Variants in MVP observed in about 807,000 individuals in gnomAD.
The protein encoded by MVP is lung resistance-related protein.
Under a neutral mutation model 83.5 loss-of-function variants are expected in MVP, and 62 were observed. That is an observed-to-expected ratio of 0.74 (90% CI 0.61 to 0.92). The LOEUF (loss-of-function observed/expected upper bound fraction) is 0.92. Ranked by LOEUF, MVP falls within the 40% of genes least tolerant of loss-of-function variation. MVP has a pLI of 0.00. For missense variants in MVP, 1,000 were observed against 1,203.4 expected, an observed-to-expected ratio of 0.83 and a Z score of 2.50; for synonymous variants, 505 against 504.1, an observed-to-expected ratio of 1.00 and a Z score of -0.02.
At chr16:29,829,205 G>C (rs1026528514) in intron 1 of MVP, among the ~76,000 whole-genome samples, 10 of 150,922 alleles carry the variant, frequency 6.6e-5, no homozygotes, top group African/African-American at 2.4e-4. Flanking sequence ...GCTCCTCATC[G>C]GCCAGGTGTG....
intron 6 of MVP, 145 bp from the exon 7 acceptor site, chr16:29,836,577 T>TAAAAA (rs35835626): frequency 2.2e-4 from 126 of 578,918 alleles, no homozygotes; most frequent in South Asian, 5.0e-4. Context: ...GACTCCGATT[T>TAAAAA]AAAAAAAAAA....
chr16:29,847,028 C>G (rs900031690), intron 13 of MVP, among the ~76,000 whole-genome samples, 169 bp from the exon 14 acceptor site: 3 of 151,698 alleles, frequency 2.0e-5, no homozygotes, highest in African/African-American at 7.3e-5. Context: ...TCTACAAAAA[C>G]AAAATTTTTT....
rs538392400 is a variant in MVP, at chr16:29,845,002, T to C, written c.2021+123T>C. On this transcript the variant is annotated intron_variant, in intron 11 of 14. Transcript: ENST00000357402. The stretch of plus-strand genomic sequence containing the variant: ...TCCCTACCCTCAAAGATCTATTCCC[T>C]ACCCAACAGATCAGGTGACCCACTT... 4 of 1,302,676 alleles carry C rather than the reference T, an allele frequency of 3.1e-6. No individual in the cohort carries two copies. The South Asian group carries it at 5.9e-5, about 19-fold the overall frequency. The allele number at this position is 1,302,676 out of a possible 1,614,324, so 80.7% of individuals were successfully genotyped here. A position where few individuals can be genotyped will look rare whatever the true frequency, so the allele number is the denominator to read the frequency against.
rs1304823167 is a variant in MVP at position 29,835,693 on chromosome 16, T to C, written c.578-11T>C. 6.2e-7 allele frequency: 1 copy of C among 1,613,024 alleles called. No homozygotes were observed. The highest frequency in any genetic ancestry group is 8.5e-7 in the Non-Finnish European group (1 of 1,179,582). ...GGGGCCCTTGTCCCTTACCCTCCACTCTTGGCCCAGGGGAAGAATGGCTGG... is the reference window on the plus strand; with the variant it reads ...GGGGCCCTTGTCCCTTACCCTCCACCCTTGGCCCAGGGGAAGAATGGCTGG... On this transcript the variant is annotated splice_polypyrimidine_tract_variant and intron_variant, in intron 5 of 14. Coordinates refer to ENST00000357402, the MANE Select transcript of MVP (RefSeq NM_005115.5).
intron 3 of MVP, chr16:29,831,607 C>G (rs1384528643): frequency 1.1e-5 from 5 of 456,108 alleles, no homozygotes; most frequent in Admixed American, 7.0e-5. Flanking sequence ...ACACCTGCCT[C>G]TTTTCTGAGA....
Position 29,840,177 on chromosome 16 carries a change from G to A in MVP, c.910-1G>A. The A allele has an allele frequency of 6.2e-7, 1 of 1,606,152 alleles. No individual in the cohort carries two copies. The highest frequency in any genetic ancestry group is 2.2e-5 in the East Asian group (1 of 44,772). ...ACCCTAACCTCACGTCTCCCCACTAGGGAGAGAAGTCTTTTTTCCTCCAGC... is the reference window on the plus strand; with the variant it reads ...ACCCTAACCTCACGTCTCCCCACTAAGGAGAGAAGTCTTTTTTCCTCCAGC... On this transcript the variant is annotated splice_acceptor_variant, in intron 7 of 14. Coordinates refer to ENST00000357402, the MANE Select transcript of MVP (RefSeq NM_005115.5). LOFTEE classifies it high-confidence loss of function.
chr16:29,822,819 G>A (rs2067373382), intron 1 of MVP, among the ~76,000 whole-genome samples: 1 of 152,214 alleles, frequency 6.6e-6, no homozygotes, highest in Non-Finnish European at 1.5e-5. Context: ...CCTGGTTCAA[G>A]CAATTCTCCT....
chr16:29,824,625 G>A (rs2067392616), intron 1 of MVP, among the ~76,000 whole-genome samples: 2 of 152,192 alleles, frequency 1.3e-5, no homozygotes, highest in South Asian at 4.1e-4. Flanking sequence ...AGGCTTGGTG[G>A]CATGTGCCTG....
In MVP at chr16:29,830,640, G is replaced by C. The variant is rs138217857; in HGVS notation, c.91G>C (p.Gly31Arg). 1 of 1,613,960 alleles carries C rather than the reference G, an allele frequency of 6.2e-7. No homozygotes were observed. Among genetic ancestry groups the C allele is most frequent in the Non-Finnish European group, 8.5e-7 (1 of 1,179,992 alleles). The change falls in exon 2 of 15, where the codon GGG (glycine) becomes CGG (arginine). Residue 31 changes from glycine (G) to arginine (R), a missense_variant. By Grantham distance (125) the Gly-to-Arg change is moderately radical. Transcript: ENST00000357402. ...CAGCAACGTGTCCCGTGTGGAGGTC[G>C]GGCCAAAGACCTACATCCGGCAGGA... Reference protein sequence around the residue: ...QNSNVSRVEVGPKTYIRQDNE... With the variant: ...QNSNVSRVEVRPKTYIRQDNE...
chr16:29,823,227 G>T (rs994014539), intron 1 of MVP, among the ~76,000 whole-genome samples: 1 of 149,864 alleles, frequency 6.7e-6, no homozygotes, highest in Admixed American at 6.7e-5. Context: ...CCAGGCACAG[G>T]CGATCCTCCC....
At chr16:29,832,596 CTTTT>C (rs1177021376) in intron 3 of MVP, among the ~76,000 whole-genome samples, 4 of 122,800 alleles carry the variant, frequency 3.3e-5, no homozygotes, top group African/African-American at 1.2e-4. Context: ...CGCGCCTGGC[CTTTT>C]TTTTTTTTTT....
chr16:29,847,441 A>G (rs2067594946), intron 14 of MVP, 56 bp downstream of exon 14: 1 of 1,479,974 alleles, frequency 6.8e-7, no homozygotes, highest in Non-Finnish European at 9.0e-7. Flanking sequence ...CCAGGAAGGC[A>G]GAGCCAAGGC....
chr16:29,821,582 C>T (rs2067361801), intron 1 of MVP, among the ~76,000 whole-genome samples: 1 of 152,202 alleles, frequency 6.6e-6, no homozygotes, highest in Non-Finnish European at 1.5e-5. Flanking sequence ...CAGCCCCACC[C>T]AGGTCCTCTA....
rs1318291244 is a variant in MVP at position 29,841,873 on chromosome 16, G to A, written c.1436+33G>A. 6.2e-7 allele frequency: 1 copy of A among 1,609,502 alleles called. No individual in the cohort carries two copies. On this transcript the variant is annotated intron_variant, in intron 9 of 14. Coordinates refer to ENST00000357402, the MANE Select transcript of MVP (RefSeq NM_005115.5). The surrounding 1 kb of genome is among the most constrained non-coding windows in gnomAD (Gnocchi z 4.7). ...CTGGCAGCGCAGGGTGTAGGGGGTG[G>A]CTCTCCATGGGTCTGGCTCTGACCC...
Position 29,845,896 on chromosome 16 carries a change from C to T in MVP, c.2055C>T (p.Arg685=), listed in dbSNP as rs149725123. 3.5e-5 allele frequency: 56 copies of T among 1,613,886 alleles called. No homozygotes were observed. The highest frequency in any genetic ancestry group is 1.6e-4 in the Middle Eastern group (1 of 6,078). The change falls in exon 12 of 15, where the codon CGC becomes CGT. Residue 685 remains arginine (R), a synonymous_variant. Coordinates refer to ENST00000357402, the MANE Select transcript of MVP (RefSeq NM_005115.5). ...HEAQRLEQEA[R]GRLERQKILD... ...CTCAGAGACTGGAGCAGGAAGCCCG[C>T]GGCCGGCTTGAGCGGCAGAAGATCC...
chr16:29,823,612 G>C (rs1464429167), intron 1 of MVP, among the ~76,000 whole-genome samples: 1 of 152,048 alleles, frequency 6.6e-6, no homozygotes, highest in Non-Finnish European at 1.5e-5. Flanking sequence ...CCAGCACTTT[G>C]GGAGGCCAAG....
chr16:29,842,104 C>T lies in MVP; in HGVS notation c.1626C>T (p.Ala542=). The change falls in exon 10 of 15, where the codon GCC becomes GCT. Residue 542 remains alanine (A), a synonymous_variant. Transcript: ENST00000357402. ...ATGCCAGGCTGCAACTGCAGCTGGCCTACAACTGGTAAAAATGGGGACAGG... is the reference window on the plus strand; with the variant it reads ...ATGCCAGGCTGCAACTGCAGCTGGCTTACAACTGGTAAAAATGGGGACAGG... ...ADHARLQLQL[A]YNWHFEVNDR... is the part of the protein sequence containing the mutation. 1.2e-6 allele frequency: 2 copies of T among 1,600,596 alleles called. No homozygotes were observed. The highest frequency in any genetic ancestry group is 1.7e-6 in the Non-Finnish European group (2 of 1,178,136).
intron 3 of MVP, chr16:29,831,520 T>C: frequency 2.3e-6 from 1 of 442,504 alleles, no homozygotes; most frequent in South Asian, 1.6e-5. Flanking sequence ...ACTTGCTGGC[T>C]CTCACCAAGG....
chr16:29,841,688 C>T lies in MVP; in HGVS notation c.1284C>T (p.Asn428=). The change falls in exon 9 of 15, where the codon AAC becomes AAT. Residue 428 remains asparagine, a synonymous_variant. Coordinates refer to ENST00000357402, the MANE Select transcript of MVP (RefSeq NM_005115.5). The surrounding 1 kb of genome is among the most constrained non-coding windows in gnomAD (Gnocchi z 4.7). ...ELPPGVEELL[N]KGQDPLADRG... is the part of the protein sequence containing the mutation. ...CTCCCGGGGTGGAGGAGCTGCTGAA[C>T]AAGGGGCAGGACCCTCTGGCAGACA... 1 of 1,612,128 alleles carries T rather than the reference C, an allele frequency of 6.2e-7. No individual in the cohort carries two copies.
Sources: gnomAD v4.1 joint callset for allele counts (sites outside exome capture counted in the v4.1 genomes callset) on GRCh38, gnomAD v4.1.1 for gene constraint, Gnocchi (gnomAD v3.1) non-coding constraint, MANE v1.5 for transcripts, NCBI Gene and HGNC (gene_info 2026-07-23, HGNC 2026-07-21) for gene names.